CRADD: variants seen among roughly 807,000 people sequenced by gnomAD.
CRADD encodes death domain-containing protein CRADD.
Under a neutral mutation model 15.5 loss-of-function variants are expected in CRADD, and 9 were observed. The observed-to-expected ratio is 0.58, with a 90% CI of 0.35 to 1.01. CRADD has a LOEUF of 1.01. Among genes scored for constraint, CRADD ranks in the 50% least tolerant of loss-of-function variants. The probability of loss-of-function intolerance (pLI) is 0.02; values close to 1 mark genes in which losing one functional copy is unlikely to be tolerated. For synonymous variants in CRADD, 118 were observed against 107.6 expected, an observed-to-expected ratio of 1.10 and a Z score of -0.60; for missense variants, 227 against 250.3, an observed-to-expected ratio of 0.91 and a Z score of 0.63.
chr12:93,813,425 G>A (rs1019264940), intron 2 of CRADD, among the ~76,000 whole-genome samples: 4 of 152,218 alleles, frequency 2.6e-5, no homozygotes, highest in Non-Finnish European at 5.9e-5. Flanking sequence ...AGAATTTCAA[G>A]TAATCAGGGA....
intron 2 of CRADD, among the ~76,000 whole-genome samples, chr12:93,779,321 T>C (rs1957173813): frequency 6.6e-6 from 1 of 152,192 alleles, no homozygotes; most frequent in South Asian, 2.1e-4. Flanking sequence ...TAGAATTGAC[T>C]AAAACCTTGG....
intron 2 of CRADD, among the ~76,000 whole-genome samples, chr12:93,778,949 T>A (rs1459697489): frequency 6.6e-6 from 1 of 152,220 alleles, no homozygotes; most frequent in Non-Finnish European, 1.5e-5. Flanking sequence ...ATTGTGACTG[T>A]GAACTGCCAT....
At chr12:93,864,799 C>CA (rs1451096533) in intron 2 of CRADD, among the ~76,000 whole-genome samples, 1 of 152,100 alleles carries the variant, frequency 6.6e-6, no homozygotes, top group Non-Finnish European at 1.5e-5. Flanking sequence ...GTCATTGAGT[C>CA]AAAAAATCTT....
chr12:93,730,308 T>G (rs879755862), intron 2 of CRADD, among the ~76,000 whole-genome samples: 3 of 152,232 alleles, frequency 2.0e-5, no homozygotes, highest in Non-Finnish European at 4.4e-5. Flanking sequence ...TATCAGTATT[T>G]GTATAAAAAG....
chr12:93,712,087 G>A (rs1432157217), intron 2 of CRADD, among the ~76,000 whole-genome samples: 1 of 152,042 alleles, frequency 6.6e-6, no homozygotes, highest in Non-Finnish European at 1.5e-5. Context: ...CTAGACACTC[G>A]CCCTCTCACA....
chr12:93,762,162 C>A (rs1956973436), intron 2 of CRADD, among the ~76,000 whole-genome samples: 1 of 152,164 alleles, frequency 6.6e-6, no homozygotes, highest in African/African-American at 2.4e-5. Context: ...TCTGCCTTTT[C>A]TGGTCTGCAT....
At chr12:93,692,119 C>A (rs997697409) in intron 2 of CRADD, among the ~76,000 whole-genome samples, 1 of 151,798 alleles carries the variant, frequency 6.6e-6, no homozygotes, top group Non-Finnish European at 1.5e-5. Context: ...GTATCAACAG[C>A]AGAATTAATC....
chr12:93,815,168 C>T (rs1450871502), intron 2 of CRADD: 2 of 152,200 alleles, frequency 1.3e-5, no homozygotes, highest in African/African-American at 4.8e-5. Context: ...AGGAATCCGA[C>T]TATGTTTTCT....
chr12:93,852,464 G>A (rs1415551835), downstream of CRADD, among the ~76,000 whole-genome samples: 1 of 152,272 alleles, frequency 6.6e-6, no homozygotes, highest in Non-Finnish European at 1.5e-5. Context: ...GGGGCCCTTA[G>A]AGACCTCTGA....
intron 2 of CRADD, among the ~76,000 whole-genome samples, chr12:93,703,307 C>T (rs1440261766): frequency 1.3e-5 from 2 of 151,888 alleles, no homozygotes; most frequent in Non-Finnish European, 2.9e-5. Context: ...CAAATTTTGG[C>T]AGTCTCCCTT....
At chr12:93,791,915 T>TA (rs1162595756) in intron 2 of CRADD, among the ~76,000 whole-genome samples, 2 of 126,000 alleles carry the variant, frequency 1.6e-5, no homozygotes, top group African/African-American at 3.1e-5. Context: ...TTTTTTTTTT[T>TA]AGTCTCCAGG....
chr12:93,812,905 A>T (rs569518724), intron 2 of CRADD, among the ~76,000 whole-genome samples: 1 of 152,354 alleles, frequency 6.6e-6, no homozygotes, highest in East Asian at 1.9e-4. Context: ...CTGTATTGTT[A>T]TGTAAAATGC....
intron 2 of CRADD, among the ~76,000 whole-genome samples, chr12:93,882,887 T>C (rs1958512856): frequency 6.6e-6 from 1 of 152,198 alleles, no homozygotes; most frequent in Non-Finnish European, 1.5e-5. Context: ...CTTTCCATTC[T>C]CTTCCTTTCC....
At chr12:93,718,526 A>G (rs1432523157) in intron 2 of CRADD, among the ~76,000 whole-genome samples, 5 of 152,106 alleles carry the variant, frequency 3.3e-5, no homozygotes, top group Non-Finnish European at 7.4e-5. Context: ...ATCTTCTTAT[A>G]ATTGCTTATT....
rs1555230474 is a variant in CRADD, at chr12:93,867,403, ATT to A, written c.299-26642_299-26641del. Among the ~76,000 whole-genome samples, 19 of 143,378 alleles carry A rather than the reference ATT, an allele frequency of 1.3e-4. 5 individuals carry two copies. Among genetic ancestry groups the A allele is most frequent in the Admixed American group, 2.8e-4 (4 of 14,232 alleles). The allele number at this position is 143,378 out of a possible 152,430, so 94.1% of individuals were successfully genotyped here. ...TTGTATTTGACATATATATATATAT[ATT>A]TTTTAAACTTGGAAGTCCAAGATCA... On this transcript the variant is annotated intron_variant, in intron 2 of 2. Coordinates refer to the CRADD transcript ENST00000548483.
At chr12:93,854,332 T>TTTA (rs745947942), downstream of CRADD, among the ~76,000 whole-genome samples, 6 of 152,232 alleles carry the variant, frequency 3.9e-5, no homozygotes, top group Non-Finnish European at 8.8e-5. Flanking sequence ...TCACACGCCT[T>TTTA]TTATCTGTCA....
intron 2 of CRADD, among the ~76,000 whole-genome samples, chr12:93,782,594 GAAA>G (rs77333769): frequency 8.7e-6 from 1 of 115,010 alleles, no homozygotes. Flanking sequence ...TCCGTCTCAG[GAAA>G]AAAAAAAAAA....
intron 2 of CRADD, among the ~76,000 whole-genome samples, chr12:93,754,247 C>G (rs1169123814): frequency 1.3e-5 from 2 of 152,224 alleles, no homozygotes; most frequent in African/African-American, 2.4e-5. Flanking sequence ...CAGCAGGAGT[C>G]CCTGGACCTG....
rs372212303 is a variant in CRADD, at chr12:93,791,996, G to C, written c.299-57974G>C. Among the ~76,000 whole-genome samples, 17 of 149,562 alleles carry C rather than the reference G, an allele frequency of 1.1e-4. No homozygotes were observed. In the South Asian group the frequency reaches 3.6e-3, roughly 32 times the overall value. On this transcript the variant is annotated intron_variant, in intron 2 of 2. Transcript: ENST00000332896. ...TTTTCACTTAACTTTTTGTTGATCTGCCTTAATTTCCAATAACTAGAGATT... is the reference window on the plus strand; with the variant it reads ...TTTTCACTTAACTTTTTGTTGATCTCCCTTAATTTCCAATAACTAGAGATT...
Sources: allele counts gnomAD v4.1 joint callset (sites outside exome capture counted in the v4.1 genomes callset), GRCh38; gene constraint gnomAD v4.1.1; transcripts MANE v1.5; gene names NCBI Gene and HGNC (gene_info 2026-07-23, HGNC 2026-07-21).